The following EPHA5 variants were observed in gnomAD, a reference collection of about 807,000 sequenced individuals.
The protein encoded by EPHA5 is EPH receptor A5, also known as ephrin type-A receptor 5.
EPHA5 carries 60 observed loss-of-function variants against 105.0 expected under a neutral mutation model. That is an observed-to-expected ratio of 0.57 (90% CI 0.46 to 0.71). The LOEUF (loss-of-function observed/expected upper bound fraction) is 0.71, where lower values mean the gene tolerates loss of function less well. Among genes scored for constraint, EPHA5 ranks in the 30% least tolerant of loss-of-function variants. The pLI is 0.00. For missense variants in EPHA5, 1,218 were observed against 1,274.7 expected, an observed-to-expected ratio of 0.96 and a Z score of 0.68; for synonymous variants, 513 against 449.1, an observed-to-expected ratio of 1.14 and a Z score of -1.80.
chr4:65,428,299 T>C (rs866867354), intron 5 of EPHA5, among the ~76,000 whole-genome samples: 2 of 152,248 alleles, frequency 1.3e-5, no homozygotes, highest in African/African-American at 4.8e-5. Flanking sequence ...ATTTTTATAA[T>C]ACATAACATA....
intron 3 of EPHA5, among the ~76,000 whole-genome samples, chr4:65,517,490 T>A (rs1734220006): frequency 6.6e-6 from 1 of 151,980 alleles, no homozygotes; most frequent in African/African-American, 2.4e-5. Flanking sequence ...CTGCACCTTT[T>A]AATTGTAGAA....
chr4:65,586,506 A>C (rs976988004), intron 3 of EPHA5, among the ~76,000 whole-genome samples: 9 of 151,826 alleles, frequency 5.9e-5, no homozygotes, highest in Admixed American at 3.9e-4. Flanking sequence ...ATTTTTCTTC[A>C]TATCAGTGCT....
intron 7 of EPHA5, among the ~76,000 whole-genome samples, chr4:65,409,522 C>T (rs187539246): frequency 3.9e-5 from 6 of 152,208 alleles, no homozygotes; most frequent in South Asian, 2.1e-4. Context: ...GCTTCCCACA[C>T]TCCTGGTTGT....
intron 15 of EPHA5, among the ~76,000 whole-genome samples, chr4:65,335,225 C>T (rs1440918792): frequency 7.9e-5 from 12 of 151,868 alleles, no homozygotes; most frequent in Admixed American, 7.9e-4. Context: ...TTTTCTAGTG[C>T]AGAATCAAAC....
At chr4:65,549,724 A>C (rs1321384420) in intron 3 of EPHA5, among the ~76,000 whole-genome samples, 11 of 152,190 alleles carry the variant, frequency 7.2e-5, no homozygotes, top group Admixed American at 7.2e-4. Context: ...AGAGACTCAC[A>C]GAAGCTTAAA....
At chr4:65,604,940 C>T (rs1448887680) in intron 2 of EPHA5, among the ~76,000 whole-genome samples, 18 of 152,092 alleles carry the variant, frequency 1.2e-4, no homozygotes, top group Non-Finnish European at 2.6e-4. Flanking sequence ...GCTGATCCTT[C>T]GATTACTAGA....
intron 7 of EPHA5, among the ~76,000 whole-genome samples, chr4:65,407,728 T>G (rs1281041913): frequency 1.3e-5 from 2 of 151,346 alleles, no homozygotes; most frequent in Admixed American, 1.3e-4. Context: ...AAATTTACAA[T>G]ATTTTCTAAA....
At chr4:65,600,640 C>G (rs1432735418) in intron 3 of EPHA5, among the ~76,000 whole-genome samples, 1 of 152,038 alleles carries the variant, frequency 6.6e-6, no homozygotes, top group Non-Finnish European at 1.5e-5. Context: ...CTGAAGCTAC[C>G]AGGTGGGACT....
At chr4:65,634,926 TC>T (rs1746981057) in intron 2 of EPHA5, among the ~76,000 whole-genome samples, 1 of 151,964 alleles carries the variant, frequency 6.6e-6, no homozygotes, top group South Asian at 2.1e-4. Flanking sequence ...CAAATGCTTC[TC>T]CTTATTCTTG....
chr4:65,640,011 T>C (rs571806325), intron 2 of EPHA5, among the ~76,000 whole-genome samples: 1 of 152,338 alleles, frequency 6.6e-6, no homozygotes, highest in Admixed American at 6.5e-5. Flanking sequence ...TTTCCCTTAC[T>C]TCTTTCAACA....
chr4:65,501,111 A>G (rs1303198576), intron 3 of EPHA5, among the ~76,000 whole-genome samples: 1 of 151,462 alleles, frequency 6.6e-6, no homozygotes, highest in African/African-American at 2.4e-5. Context: ...GGTTTAAAAT[A>G]TGTGTTTGCT....
chr4:65,655,676 A>G (rs536964958), intron 1 of EPHA5, among the ~76,000 whole-genome samples: 1 of 152,240 alleles, frequency 6.6e-6, no homozygotes, highest in East Asian at 1.9e-4. Context: ...TGGGGGTTCT[A>G]AAACTACAGA....
chr4:65,454,137 G>C (rs1198337834), intron 5 of EPHA5, among the ~76,000 whole-genome samples: 8 of 152,124 alleles, frequency 5.3e-5, no homozygotes, highest in African/African-American at 1.9e-4. Flanking sequence ...AAAATTAGCC[G>C]GGCATGGTGG....
intron 8 of EPHA5, among the ~76,000 whole-genome samples, chr4:65,391,902 T>A (rs1299011888): frequency 1.3e-5 from 2 of 152,190 alleles, no homozygotes; most frequent in Non-Finnish European, 2.9e-5. Flanking sequence ...GTGAGTGATA[T>A]TAACTTGTTG....
At chr4:65,552,600 A>G (rs1445439876) in intron 3 of EPHA5, among the ~76,000 whole-genome samples, 1 of 152,050 alleles carries the variant, frequency 6.6e-6, no homozygotes, top group Non-Finnish European at 1.5e-5. Context: ...ACCAATTTCA[A>G]CTCCTCACAT....
At chr4:65,513,390 TG>T (rs1733807633) in intron 3 of EPHA5, among the ~76,000 whole-genome samples, 1 of 152,124 alleles carries the variant, frequency 6.6e-6, no homozygotes, top group African/African-American at 2.4e-5. Flanking sequence ...TTGTTTGTTT[TG>T]TTTTGTTTTT....
chr4:65,531,609 G>C (rs377157842), intron 3 of EPHA5, among the ~76,000 whole-genome samples: 4 of 149,346 alleles, frequency 2.7e-5, no homozygotes, highest in Admixed American at 6.8e-5. Context: ...GGAATCTGAT[G>C]ATAAAGAGGA....
intron 5 of EPHA5, among the ~76,000 whole-genome samples, chr4:65,465,001 A>G (rs1728475456): frequency 6.6e-6 from 1 of 152,200 alleles, no homozygotes; most frequent in Admixed American, 6.5e-5. Context: ...GAGACAAATA[A>G]GAACATTACA....
At chr4:65,333,317 T>C (rs923777188) in intron 15 of EPHA5, among the ~76,000 whole-genome samples, 6 of 151,738 alleles carry the variant, frequency 4.0e-5, no homozygotes, top group Non-Finnish European at 8.8e-5. Context: ...CCCTTGAGTA[T>C]AGTTTCTTCA....
Sources: gnomAD v4.1 joint callset for allele counts (sites outside exome capture counted in the v4.1 genomes callset) on GRCh38, gnomAD v4.1.1 for gene constraint, MANE v1.5 for transcripts, NCBI Gene and HGNC (gene_info 2026-07-23, HGNC 2026-07-21) for gene names.